The following RABGAP1 variants were observed in gnomAD, a reference collection of about 807,000 sequenced individuals.
The protein encoded by RABGAP1 is RAB GTPase activating protein 1.
A neutral mutation model predicts 137.6 loss-of-function variants in RABGAP1; 23 were observed. The observed-to-expected ratio is 0.17, with a 90% CI of 0.12 to 0.24. The LOEUF (loss-of-function observed/expected upper bound fraction) is 0.24, where lower values mean the gene tolerates loss of function less well. Among genes scored for constraint, RABGAP1 ranks in the 10% least tolerant of loss-of-function variants. The probability of loss-of-function intolerance (pLI) is 1.00; values close to 1 mark genes in which losing one functional copy is unlikely to be tolerated. For missense variants in RABGAP1, 906 were observed against 1,275.8 expected (o/e 0.71, Z 4.42); for synonymous variants, 451 against 450.7 (o/e 1.00, Z -0.01).
At chr9:123,057,780 C>T (rs1191341493) in intron 13 of RABGAP1, among the ~76,000 whole-genome samples, 3 of 152,202 alleles carry the variant, frequency 2.0e-5, no homozygotes, top group Non-Finnish European at 2.9e-5. Flanking sequence ...ACTGAGTGAA[C>T]GAGACTCCGT....
intron 2 of RABGAP1, among the ~76,000 whole-genome samples, chr9:122,961,455 A>G (rs943407132): frequency 4.6e-5 from 7 of 152,218 alleles, no homozygotes; most frequent in Non-Finnish European, 5.9e-5. Flanking sequence ...AGGTTCCTTG[A>G]AGTAAAGGCA....
At chr9:123,011,958 A>G (rs752603837) in intron 11 of RABGAP1, among the ~76,000 whole-genome samples, 20 of 151,834 alleles carry the variant, frequency 1.3e-4, no homozygotes, top group Admixed American at 5.9e-4. Context: ...CTCTGTCTCA[A>G]CAACAACAAC....
chr9:123,023,660 A>G (rs544761246), intron 13 of RABGAP1, among the ~76,000 whole-genome samples: 127 of 152,324 alleles, frequency 8.3e-4, no homozygotes, highest in African/African-American at 2.9e-3. Flanking sequence ...ATATTCGGCT[A>G]TTACAAATGT....
intron 18 of RABGAP1, 81 bp from the exon 19 acceptor site, chr9:123,076,553 A>G: frequency 6.9e-7 from 1 of 1,441,136 alleles, no homozygotes; most frequent in Non-Finnish European, 9.3e-7. Flanking sequence ...AAAGTGCTGA[A>G]AAGTGCTGAG....
chr9:123,007,499 T>C (rs926596414), intron 10 of RABGAP1, among the ~76,000 whole-genome samples: 8 of 148,206 alleles, frequency 5.4e-5, no homozygotes, highest in Non-Finnish European at 1.2e-4. Flanking sequence ...TGTCTCAGCC[T>C]CCTGAGTAGC....
rs1182795780 is a variant in RABGAP1 at position 123,010,281 on chromosome 9, TTAAAAACAC to T, written c.1375-71_1375-63del. The T allele has an allele frequency of 6.3e-5, 86 of 1,363,102 alleles. 1 individual carries two copies. The Admixed American group carries it at 7.6e-4, about 12-fold the overall frequency. 84.4% of individuals were successfully genotyped at this position (1,363,102 alleles called of 1,614,324 possible). A position where few individuals can be genotyped will look rare whatever the true frequency, so the allele number is the denominator to read the frequency against. ...GCCGAGATCACTGCAATTAAAAACA[TTAAAAACAC>T]TGCAATTAATTAAAAACATAAAGAA... On this transcript the variant is annotated intron_variant, in intron 10 of 25. Transcript: ENST00000373647.
At chr9:123,043,214 CAG>C (rs1225255426) in intron 13 of RABGAP1, among the ~76,000 whole-genome samples, 3 of 152,136 alleles carry the variant, frequency 2.0e-5, no homozygotes, top group Non-Finnish European at 4.4e-5. Flanking sequence ...TAAAGAGATA[CAG>C]AATCCAGGAA....
chr9:123,067,302 T>A (rs113104989), intron 14 of RABGAP1, among the ~76,000 whole-genome samples: 134 of 152,354 alleles, frequency 8.8e-4, no homozygotes, highest in African/African-American at 3.0e-3. Context: ...TTCACTGCCC[T>A]GGTACAGGCC....
intron 13 of RABGAP1, among the ~76,000 whole-genome samples, chr9:123,023,823 G>A (rs1266992129): frequency 6.6e-6 from 1 of 151,776 alleles, no homozygotes; most frequent in African/African-American, 2.4e-5. Context: ...TCTGAACATG[G>A]CTTCTTTGCC....
At position 123,056,485 on chromosome 9, in the gene RABGAP1, T is replaced by C. The variant is rs192961254; in HGVS notation, c.1795-8863T>C. ...GGATTATGCTGTTTCTTTTTTCTTT[T>C]TTTTTTTTTTTTTAATTGATCATTC... On this transcript the variant is annotated intron_variant, in intron 13 of 25. Transcript: ENST00000373647. Among the ~76,000 whole-genome samples, 846 of 151,100 alleles carry C rather than the reference T, an allele frequency of 5.6e-3. 11 individuals carry two copies. Among genetic ancestry groups the C allele is most frequent in the South Asian group, 0.043 (204 of 4,780 alleles).
chr9:123,087,050 T>C (rs974611405), intron 19 of RABGAP1, among the ~76,000 whole-genome samples: 1 of 152,220 alleles, frequency 6.6e-6, no homozygotes, highest in Non-Finnish European at 1.5e-5. Context: ...ATCATGAGAA[T>C]GTAAGAAGCA....
intron 13 of RABGAP1, among the ~76,000 whole-genome samples, chr9:123,021,971 C>T (rs1039914956): frequency 1.3e-5 from 2 of 152,058 alleles, no homozygotes; most frequent in Non-Finnish European, 1.5e-5. Context: ...GAGATGAATT[C>T]CAGGTATAGA....
chr9:123,064,090 C>T (rs773420738), intron 13 of RABGAP1, among the ~76,000 whole-genome samples: 5 of 152,190 alleles, frequency 3.3e-5, no homozygotes, highest in Admixed American at 6.5e-5. Flanking sequence ...TTCTCACTCT[C>T]GCTTGCTCTC....
At chr9:123,094,412 A>C (rs535584613) in intron 21 of RABGAP1, among the ~76,000 whole-genome samples, 10 of 152,170 alleles carry the variant, frequency 6.6e-5, no homozygotes, top group African/African-American at 2.4e-4. Flanking sequence ...GAATTTTGTC[A>C]AATGCTTTTC....
chr9:123,035,834 A>G (rs944921873), intron 13 of RABGAP1: 1 of 477,164 alleles, frequency 2.1e-6, no homozygotes, highest in African/African-American at 2.0e-5. Flanking sequence ...ACTCAAGATC[A>G]TGAAGACAAA....
At chr9:123,030,211 G>T (rs544548970) in intron 13 of RABGAP1, among the ~76,000 whole-genome samples, 49 of 146,556 alleles carry the variant, frequency 3.3e-4, no homozygotes, top group African/African-American at 1.3e-3. Context: ...TCCATTTTGA[G>T]TTAGATTGAG....
chr9:123,020,944 G>C (rs1332106555), intron 13 of RABGAP1: 4 of 898,106 alleles, frequency 4.5e-6, no homozygotes, highest in Non-Finnish European at 5.3e-6. Flanking sequence ...CCCTTCTGAA[G>C]TTCATGCATT....
Position 122,949,296 on chromosome 9 carries a change from C to T in RABGAP1, c.-49-7715C>T, listed in dbSNP as rs1345750947. ...GGGAGGCCTAGGTGGGTGGATTACC[C>T]GAGGTCAGGAGTTTGAGACCAGCCT... is the stretch of plus-strand genomic sequence containing the variant. On this transcript the variant is annotated intron_variant, in intron 1 of 25. Coordinates refer to ENST00000373647, the MANE Select transcript of RABGAP1 (RefSeq NM_012197.4). Among the ~76,000 whole-genome samples the T allele has an allele frequency of 2.0e-5, 3 of 151,954 alleles. No individual in the cohort carries two copies. In the South Asian group the frequency reaches 6.2e-4, roughly 32 times the overall value.
intron 11 of RABGAP1, among the ~76,000 whole-genome samples, chr9:123,012,269 T>C (rs913740803): frequency 2.6e-5 from 4 of 152,214 alleles, no homozygotes; most frequent in African/African-American, 9.7e-5. Flanking sequence ...TGTGTAACAG[T>C]CTTGATTGAG....
Sources: gnomAD v4.1 joint callset for allele counts (sites outside exome capture counted in the v4.1 genomes callset) on GRCh38, gnomAD v4.1.1 for gene constraint, MANE v1.5 for transcripts, NCBI Gene and HGNC (gene_info 2026-07-23, HGNC 2026-07-21) for gene names.